CAB39L: variants seen among roughly 807,000 people sequenced by gnomAD.
CAB39L encodes calcium binding protein 39 like.
CAB39L carries 23 observed loss-of-function variants against 39.1 expected under a neutral mutation model. The observed-to-expected ratio is 0.59, with a 90% CI of 0.42 to 0.83. The LOEUF (loss-of-function observed/expected upper bound fraction) is 0.83, where lower values mean the gene tolerates loss of function less well. CAB39L is among the 40% of genes least tolerant of loss of function. CAB39L has a pLI of 0.00. For synonymous variants in CAB39L, 126 were observed against 137.2 expected, an observed-to-expected ratio of 0.92 and a Z score of 0.57; for missense variants, 366 against 391.9, an observed-to-expected ratio of 0.93 and a Z score of 0.56.
intron 7 of CAB39L, among the ~76,000 whole-genome samples, chr13:49,349,455 C>CACAT (rs146340275): frequency 4.2e-5 from 6 of 141,802 alleles, no homozygotes; most frequent in African/African-American, 1.5e-4. Flanking sequence ...AATCTGAATA[C>CACAT]ATATATATAT....
At chr13:49,366,198 T>C (rs562193131) in intron 5 of CAB39L, among the ~76,000 whole-genome samples, 1 of 151,936 alleles carries the variant, frequency 6.6e-6, no homozygotes, top group Admixed American at 6.5e-5. Flanking sequence ...TGGGGATGGT[T>C]AATGGGTACA....
intron 5 of CAB39L, among the ~76,000 whole-genome samples, chr13:49,364,871 C>T (rs1201359824): frequency 2.0e-5 from 3 of 152,084 alleles, no homozygotes; most frequent in African/African-American, 7.2e-5. Context: ...TCATACTACC[C>T]AACGTAATCT....
chr13:49,407,869 A>AAG lies in CAB39L; in HGVS notation c.-31-24929_-31-24928insCT, dbSNP rs1468754806. 4.0e-5 allele frequency among the ~76,000 whole-genome samples: 6 copies of AAG among 151,302 alleles called. No homozygotes were observed. The East Asian group carries it at 9.6e-4, about 24-fold the overall frequency. ...ATAGCAAGACCCCGTCTCAAAAAAA[A>AAG]AAAAAAAAATAGAAGAAACAAAAAT... On this transcript the variant is annotated intron_variant, in intron 3 of 10. Transcript: ENST00000409308.
intron 10 of CAB39L, among the ~76,000 whole-genome samples, chr13:49,318,321 A>G: frequency 6.6e-6 from 1 of 150,854 alleles, no homozygotes; most frequent in Non-Finnish European, 1.5e-5. Flanking sequence ...TTAAAATATT[A>G]GTTGGGCATT....
intron 3 of CAB39L, among the ~76,000 whole-genome samples, chr13:49,392,267 G>GC (rs1956503872): frequency 6.6e-6 from 1 of 151,982 alleles, no homozygotes; most frequent in Non-Finnish European, 1.5e-5. Flanking sequence ...TGTATATTAG[G>GC]TACAATAAAG....
At position 49,308,904 on chromosome 13, in the gene CAB39L, G is replaced by A. The variant is rs1281811935; in HGVS notation, c.*1910C>T. On this transcript the variant is annotated 3_prime_UTR_variant, in exon 11 of 11. Coordinates refer to ENST00000409308, the MANE Select transcript of CAB39L (RefSeq NM_001079670.3). ...GCTGGGATAATGGGTTGCTAGGAAAGAGCTAATGCAAGCCCAAAGGAAATA... is the reference window on the plus strand; with the variant it reads ...GCTGGGATAATGGGTTGCTAGGAAAAAGCTAATGCAAGCCCAAAGGAAATA... 1.3e-5 allele frequency: 2 copies of A among 152,250 alleles called. No individual in the cohort carries two copies. Among genetic ancestry groups the A allele is most frequent in the African/African-American group, 2.4e-5 (1 of 41,414 alleles). The allele number at this position is 152,250 out of a possible 1,614,324, so 9.4% of individuals were successfully genotyped here.
At chr13:49,343,867 G>GC (rs1303114949) in intron 8 of CAB39L, among the ~76,000 whole-genome samples, 2 of 152,140 alleles carry the variant, frequency 1.3e-5, no homozygotes. Flanking sequence ...TTTAGTGAGG[G>GC]TGGGGTTCTC....
intron 10 of CAB39L, among the ~76,000 whole-genome samples, chr13:49,316,647 A>G (rs1422031712): frequency 1.3e-5 from 2 of 152,240 alleles, no homozygotes; most frequent in Non-Finnish European, 2.9e-5. Flanking sequence ...TTTATTCCCC[A>G]GAAATACAAG....
chr13:49,311,004 A>G lies in CAB39L; in HGVS notation c.835-11T>C. 1 of 1,612,192 alleles carries G rather than the reference A, an allele frequency of 6.2e-7. No individual in the cohort carries two copies. Among genetic ancestry groups the G allele is most frequent in the Non-Finnish European group, 8.5e-7 (1 of 1,178,782 alleles). ...ACTGGCCACAAACACCTGAAACAAA[A>G]AGAAACAAATACTTAGGAGTGCAAG... On this transcript the variant is annotated splice_polypyrimidine_tract_variant and intron_variant, in intron 10 of 10. Coordinates refer to ENST00000409308, the MANE Select transcript of CAB39L (RefSeq NM_001079670.3).
chr13:49,403,906 T>C (rs111887360), intron 3 of CAB39L, among the ~76,000 whole-genome samples: 6,438 of 151,790 alleles, frequency 0.042, 276 homozygotes, highest in African/African-American at 0.1. Flanking sequence ...AAATAAAGCA[T>C]TGAGAGAAAA....
intron 3 of CAB39L, among the ~76,000 whole-genome samples, chr13:49,415,638 T>C (rs1458298550): frequency 1.3e-5 from 2 of 152,126 alleles, no homozygotes. Context: ...GTTTCCATTA[T>C]AACCCCATGT....
At chr13:49,387,428 G>T (rs536222773) in intron 3 of CAB39L, among the ~76,000 whole-genome samples, 17 of 152,260 alleles carry the variant, frequency 1.1e-4, no homozygotes, top group African/African-American at 3.9e-4. Flanking sequence ...TAGTCCAGAA[G>T]GCTGACACTA....
At chr13:49,427,555 G>A (rs1003179942) in intron 3 of CAB39L, among the ~76,000 whole-genome samples, 8 of 152,054 alleles carry the variant, frequency 5.3e-5, no homozygotes, top group Non-Finnish European at 7.3e-5. Flanking sequence ...TGGGCGTGGT[G>A]GTGCACACTT....
At chr13:49,438,176 T>G (rs983000907) in intron 1 of CAB39L, among the ~76,000 whole-genome samples, 6 of 152,036 alleles carry the variant, frequency 3.9e-5, no homozygotes, top group African/African-American at 1.4e-4. Context: ...CACTTCTGAG[T>G]ATGTTTAAGC....
chr13:49,338,659 G>GA (rs923973442), intron 9 of CAB39L, among the ~76,000 whole-genome samples: 32 of 150,342 alleles, frequency 2.1e-4, no homozygotes, highest in Middle Eastern at 6.8e-3. Flanking sequence ...AATAATAAAA[G>GA]AAAAAAAAAC....
At chr13:49,324,109 T>C (rs1954431933) in intron 10 of CAB39L, among the ~76,000 whole-genome samples, 1 of 151,802 alleles carries the variant, frequency 6.6e-6, no homozygotes, top group Non-Finnish European at 1.5e-5. Context: ...GTCAGGAGTT[T>C]GAGAACAGGT....
intron 1 of CAB39L, among the ~76,000 whole-genome samples, chr13:49,435,661 C>G (rs1047171910): frequency 1.3e-5 from 2 of 152,226 alleles, no homozygotes; most frequent in South Asian, 4.2e-4. Flanking sequence ...CCATTACACC[C>G]AGCTAATTTT....
intron 10 of CAB39L, among the ~76,000 whole-genome samples, chr13:49,315,562 G>C (rs1009988067): frequency 1.3e-5 from 2 of 152,042 alleles, no homozygotes; most frequent in Admixed American, 6.6e-5. Flanking sequence ...TGCTCAGGGG[G>C]AAATTTATAG....
chr13:49,312,229 A>AT (rs1199729899), intron 10 of CAB39L, among the ~76,000 whole-genome samples: 2 of 152,058 alleles, frequency 1.3e-5, no homozygotes, highest in African/African-American at 4.8e-5. Flanking sequence ...AAGAAAAAAA[A>AT]TTTTTTAAAT....
Sources: allele counts gnomAD v4.1 joint callset (sites outside exome capture counted in the v4.1 genomes callset), GRCh38; gene constraint gnomAD v4.1.1; transcripts MANE v1.5; gene names NCBI Gene and HGNC (gene_info 2026-07-23, HGNC 2026-07-21).